The following GPR39 variants were observed in gnomAD, a reference collection of about 807,000 sequenced individuals.
GPR39 encodes zinc sensing receptor.
In GPR39, 23 loss-of-function variants were observed where a neutral mutation model predicts 18.4. The observed-to-expected ratio is 1.25, with a 90% CI of 0.90 to 1.77. GPR39 has a LOEUF of 1.77. Ranked by LOEUF, GPR39 falls within the 40% of genes most tolerant of loss-of-function variation. The pLI is 0.00. For synonymous variants in GPR39, 280 were observed against 257.9 expected, an observed-to-expected ratio of 1.09 and a Z score of -0.82; for missense variants, 647 against 602.4, an observed-to-expected ratio of 1.07 and a Z score of -0.78.
At chr2:132,528,070 A>G (rs934005159) in intron 1 of GPR39, among the ~76,000 whole-genome samples, 3 of 152,148 alleles carry the variant, frequency 2.0e-5, no homozygotes, top group African/African-American at 4.8e-5. Flanking sequence ...TGGGTTTTAC[A>G]TTTAAGTCTT....
chr2:132,419,845 A>G (rs1679975789), intron 1 of GPR39, among the ~76,000 whole-genome samples: 1 of 152,156 alleles, frequency 6.6e-6, no homozygotes, highest in Admixed American at 6.5e-5. Flanking sequence ...CTTAGGAATT[A>G]AGGCTGCCTT....
intron 1 of GPR39, among the ~76,000 whole-genome samples, chr2:132,635,885 C>T (rs1681746047): frequency 6.6e-6 from 1 of 152,178 alleles, no homozygotes; most frequent in Non-Finnish European, 1.5e-5. Context: ...CTTACTTCTG[C>T]CATGTCGGAG....
chr2:132,483,067 C>T (rs1243903510), intron 1 of GPR39, among the ~76,000 whole-genome samples: 2 of 152,186 alleles, frequency 1.3e-5, no homozygotes, highest in African/African-American at 2.4e-5. Context: ...ACTGTATAAC[C>T]TTCAGCAAGT....
chr2:132,546,839 CAAAAAAAAA>C (rs60267293), intron 1 of GPR39, among the ~76,000 whole-genome samples: 2,330 of 33,964 alleles, frequency 0.069, 100 homozygotes, highest in African/African-American at 0.19. Flanking sequence ...AGCTCCACAG[CAAAAAAAAA>C]AAAAAAAAAA....
At chr2:132,542,445 A>G (rs528207509) in intron 1 of GPR39, among the ~76,000 whole-genome samples, 1 of 152,292 alleles carries the variant, frequency 6.6e-6, no homozygotes, top group African/African-American at 2.4e-5. Flanking sequence ...CTACCAACTA[A>G]GAAGATTAGA....
At chr2:132,452,474 T>A (rs1224875049) in intron 1 of GPR39, among the ~76,000 whole-genome samples, 1 of 152,192 alleles carries the variant, frequency 6.6e-6, no homozygotes, top group African/African-American at 2.4e-5. Context: ...TTTCTGTTTC[T>A]TTCTGTATTT....
At chr2:132,588,716 ATC>A (rs1680774630) in intron 1 of GPR39, among the ~76,000 whole-genome samples, 1 of 152,176 alleles carries the variant, frequency 6.6e-6, no homozygotes, top group Non-Finnish European at 1.5e-5. Flanking sequence ...AAGAAGCTGC[ATC>A]TTTTCAGACC....
intron 1 of GPR39, among the ~76,000 whole-genome samples, chr2:132,431,509 A>T (rs1363882132): frequency 6.6e-6 from 1 of 152,202 alleles, no homozygotes; most frequent in East Asian, 1.9e-4. Context: ...TTTGATTTTG[A>T]TGTCAGTCAC....
At chr2:132,439,027 A>G (rs1193062679) in intron 1 of GPR39, among the ~76,000 whole-genome samples, 3 of 152,214 alleles carry the variant, frequency 2.0e-5, no homozygotes, top group South Asian at 4.1e-4. Flanking sequence ...TGCTATTCAT[A>G]ATAACATTCA....
rs755516300 is a variant in GPR39 at position 132,646,324 on chromosome 2, AAAG to A, written c.*721_*723del. 3.0e-6 allele frequency: 4 copies of A among 1,328,790 alleles called. No individual in the cohort carries two copies. The highest frequency in any genetic ancestry group is 4.0e-6 in the Non-Finnish European group (4 of 1,004,402). 82.3% of individuals were successfully genotyped at this position (1,328,790 alleles called of 1,614,324 possible). A position where few individuals can be genotyped will look rare whatever the true frequency, so the allele number is the denominator to read the frequency against. On this transcript the variant is annotated 3_prime_UTR_variant, in exon 2 of 2. Transcript: ENST00000329321. The stretch of plus-strand genomic sequence containing the variant: ...GGAGCTGAGTTAACGTGCACCGGCA[AAAG>A]AATAGCTGTCCCTCTCAGCCCAAAT...
chr2:132,522,391 T>C (rs905601352), intron 1 of GPR39, among the ~76,000 whole-genome samples: 7 of 152,218 alleles, frequency 4.6e-5, no homozygotes, highest in African/African-American at 1.7e-4. Flanking sequence ...AGATGCAGGA[T>C]TTCACTTAAT....
chr2:132,538,364 G>C (rs745327854), intron 1 of GPR39, among the ~76,000 whole-genome samples: 4 of 152,200 alleles, frequency 2.6e-5, no homozygotes, highest in African/African-American at 9.6e-5. Context: ...GTTCACCTGG[G>C]TGTCACCAGT....
At chr2:132,507,479 A>T (rs868620956) in intron 1 of GPR39, among the ~76,000 whole-genome samples, 96 of 152,298 alleles carry the variant, frequency 6.3e-4, no homozygotes, top group African/African-American at 2.3e-3. Context: ...TTTTAAGTAT[A>T]CTTACTAAAG....
rs143359539 is a variant in GPR39 at position 132,493,955 on chromosome 2, C to T, written c.856+76057C>T. ...TAGTAATAAATACACCAAAAACTTC[C>T]GATCAACTAAAGACTGAAAGTATTT... On this transcript the variant is annotated intron_variant, in intron 1 of 1. Coordinates refer to ENST00000329321, the MANE Select transcript of GPR39 (RefSeq NM_001508.3). Among the ~76,000 whole-genome samples, 1,073 of 152,138 alleles carry T rather than the reference C, an allele frequency of 7.1e-3. 10 individuals carry two copies. Among genetic ancestry groups the T allele is most frequent in the Non-Finnish European group, 9.3e-3 (630 of 68,002 alleles).
At chr2:132,530,083 G>A (rs971323725) in intron 1 of GPR39, among the ~76,000 whole-genome samples, 1 of 151,948 alleles carries the variant, frequency 6.6e-6, no homozygotes, top group African/African-American at 2.4e-5. Context: ...CGAACCAATG[G>A]CAAAGAAGTT....
intron 1 of GPR39, among the ~76,000 whole-genome samples, chr2:132,489,996 G>A (rs1192000689): frequency 1.3e-5 from 2 of 151,782 alleles, no homozygotes; most frequent in African/African-American, 4.9e-5. Flanking sequence ...ATCCTCACCA[G>A]GTAGTCCCCA....
At chr2:132,617,334 C>G (rs138035733) in intron 1 of GPR39, among the ~76,000 whole-genome samples, 1 of 151,000 alleles carries the variant, frequency 6.6e-6, no homozygotes, top group East Asian at 1.9e-4. Flanking sequence ...GAGTTGTTTT[C>G]GAGGAGGCTG....
At chr2:132,552,664 T>C (rs10173080) in intron 1 of GPR39, among the ~76,000 whole-genome samples, 79,311 of 151,478 alleles carry the variant, frequency 0.52, 21,527 homozygotes, top group East Asian at 0.9. Context: ...ATTTTATATC[T>C]GGAAGTTCGG....
At chr2:132,638,315 G>C (rs1339586342) in intron 1 of GPR39, among the ~76,000 whole-genome samples, 1 of 152,178 alleles carries the variant, frequency 6.6e-6, no homozygotes, top group Non-Finnish European at 1.5e-5. Flanking sequence ...GACAGTGCTA[G>C]GGTCCCTACA....
Sources: allele counts gnomAD v4.1 joint callset (sites outside exome capture counted in the v4.1 genomes callset), GRCh38; gene constraint gnomAD v4.1.1; transcripts MANE v1.5; gene names NCBI Gene and HGNC (gene_info 2026-07-23, HGNC 2026-07-21).